Variants in NOX4 observed in about 807,000 individuals in gnomAD.
NOX4 encodes kidney oxidase-1.
NOX4 carries 69 observed loss-of-function variants against 87.6 expected under a neutral mutation model. The observed-to-expected ratio is 0.79, with a 90% CI of 0.65 to 0.96. The LOEUF is 0.96. NOX4 is among the 40% of genes least tolerant of loss of function. The pLI is 0.00. For missense variants in NOX4, 680 were observed against 681.5 expected (o/e 1.00, Z 0.02); for synonymous variants, 275 against 238.2 (o/e 1.15, Z -1.42).
intron 2 of NOX4, among the ~76,000 whole-genome samples, chr11:89,453,211 T>C (rs960327379): frequency 6.6e-6 from 1 of 151,660 alleles, no homozygotes; most frequent in Non-Finnish European, 1.5e-5. Context: ...TCCACTCCCA[T>C]CCCCATGCTC....
chr11:89,377,383 A>T (rs75343671), intron 11 of NOX4, among the ~76,000 whole-genome samples: 1 of 152,148 alleles, frequency 6.6e-6, no homozygotes, highest in East Asian at 1.9e-4. Flanking sequence ...ATACACATTC[A>T]CCTAAGTCTA....
chr11:89,342,824 T>A (rs1485164383), intron 13 of NOX4, among the ~76,000 whole-genome samples: 1 of 152,116 alleles, frequency 6.6e-6, no homozygotes, highest in African/African-American at 2.4e-5. Context: ...TGTGTGTGTG[T>A]GAGACAGAGA....
intron 5 of NOX4, 60 bp from the exon 6 acceptor site, chr11:89,440,775 T>C (rs1944423088): frequency 3.2e-6 from 3 of 948,680 alleles, no homozygotes; most frequent in Non-Finnish European, 4.8e-6. Context: ...TATATAATTC[T>C]ATAAAGAGTA....
At chr11:89,553,711 A>G in the NOX4 span, among the ~76,000 whole-genome samples, 1 of 152,114 alleles carries the variant, frequency 6.6e-6, no homozygotes, top group Non-Finnish European at 1.5e-5. Flanking sequence ...GAAATTTTAT[A>G]TAGCCAAGCA....
the NOX4 span, among the ~76,000 whole-genome samples, chr11:89,535,467 G>A: frequency 6.6e-6 from 1 of 152,130 alleles, no homozygotes; most frequent in East Asian, 1.9e-4. Flanking sequence ...ACACACTAAA[G>A]GAATTTTCTA....
At chr11:89,461,647 A>AAAATAAAT (rs60340385) in intron 2 of NOX4, among the ~76,000 whole-genome samples, 2,393 of 145,678 alleles carry the variant, frequency 0.016, 66 homozygotes, top group African/African-American at 0.057. Context: ...TCCATCTCAA[A>AAAATAAAT]AAATAAATAA....
chr11:89,487,100 A>T (rs1224744108), intron 2 of NOX4, among the ~76,000 whole-genome samples: 1 of 152,206 alleles, frequency 6.6e-6, no homozygotes, highest in African/African-American at 2.4e-5. Context: ...GACATGGACC[A>T]GTGAAGTCGT....
intron 8 of NOX4, among the ~76,000 whole-genome samples, chr11:89,406,196 A>G (rs141156864): frequency 1.8e-4 from 28 of 152,224 alleles, no homozygotes; most frequent in African/African-American, 6.5e-4. Context: ...CTTTTTCTAA[A>G]GAATATTGAA....
rs577892890 is a variant in NOX4 at position 89,367,620 on chromosome 11, A to G, written c.1135+5812T>C. 2.0e-5 allele frequency among the ~76,000 whole-genome samples: 3 copies of G among 152,148 alleles called. No individual in the cohort carries two copies. In the East Asian group the frequency reaches 5.8e-4, roughly 29 times the overall value. ...AGATAAAGTCTTCCATTTGCTTGACACTAAAAAATCTTTAATGTGATGTGT... is the reference window on the plus strand; with the variant it reads ...AGATAAAGTCTTCCATTTGCTTGACGCTAAAAAATCTTTAATGTGATGTGT... On this transcript the variant is annotated intron_variant, in intron 12 of 17. Coordinates refer to ENST00000263317, the MANE Select transcript of NOX4 (RefSeq NM_016931.5).
intron 12 of NOX4, among the ~76,000 whole-genome samples, chr11:89,362,099 C>T (rs1473588238): frequency 6.6e-6 from 1 of 151,984 alleles, no homozygotes; most frequent in Non-Finnish European, 1.5e-5. Context: ...CTTCCTTCCC[C>T]CAAACCCTCT....
At chr11:89,582,714 G>T in the NOX4 span, among the ~76,000 whole-genome samples, 1 of 152,182 alleles carries the variant, frequency 6.6e-6, no homozygotes, top group African/African-American at 2.4e-5. Context: ...GTTTAACGTT[G>T]AAACTCAGGC....
the NOX4 span, among the ~76,000 whole-genome samples, chr11:89,525,775 G>C: frequency 1.3e-5 from 2 of 151,966 alleles, no homozygotes; most frequent in African/African-American, 4.8e-5. Context: ...TGTGCTAGAT[G>C]AGCAATATTT....
At chr11:89,566,725 A>T in the NOX4 span, among the ~76,000 whole-genome samples, 1 of 152,144 alleles carries the variant, frequency 6.6e-6, no homozygotes, top group Admixed American at 6.5e-5. Context: ...TTAAGAGTGG[A>T]AAAAGGGAGC....
the NOX4 span, among the ~76,000 whole-genome samples, chr11:89,576,735 A>C: frequency 1.3e-5 from 2 of 152,304 alleles, no homozygotes; most frequent in East Asian, 3.9e-4. Flanking sequence ...TGTCACATTC[A>C]TATAATCTCA....
the NOX4 span, chr11:89,557,026 T>C: frequency 6.6e-6 from 1 of 152,196 alleles, no homozygotes; most frequent in Non-Finnish European, 1.5e-5. Context: ...AGTTCAAATA[T>C]GGAGTAATGA....
intron 13 of NOX4, among the ~76,000 whole-genome samples, chr11:89,353,982 C>A (rs886261363): frequency 6.6e-6 from 1 of 152,076 alleles, no homozygotes; most frequent in African/African-American, 2.4e-5. Flanking sequence ...AAACAATGCA[C>A]AAGCAGTATA....
the NOX4 span, among the ~76,000 whole-genome samples, chr11:89,573,356 G>A: frequency 6.6e-6 from 1 of 152,096 alleles, no homozygotes; most frequent in Non-Finnish European, 1.5e-5. Context: ...CTAACACAGT[G>A]AAACCCTGTC....
intron 11 of NOX4, among the ~76,000 whole-genome samples, chr11:89,396,805 C>T (rs1941525563): frequency 6.6e-6 from 1 of 152,024 alleles, no homozygotes; most frequent in Non-Finnish European, 1.5e-5. Flanking sequence ...ACAGGAGCAC[C>T]CAGATTCATA....
At position 89,364,136 on chromosome 11, in the gene NOX4, A is replaced by G. The variant is rs532082897; in HGVS notation, c.1136-9093T>C. Among the ~76,000 whole-genome samples the G allele has an allele frequency of 5.3e-5, 8 of 152,128 alleles. No homozygotes were observed. The South Asian group carries it at 1.7e-3, about 32-fold the overall frequency. On this transcript the variant is annotated intron_variant, in intron 12 of 17. Transcript: ENST00000263317. ...GTGGTATACACCTGTAGTCCTCACT[A>G]CTTGGGAAGCTGAGACAAGAGGATT...
Sources: allele counts gnomAD v4.1 joint callset (sites outside exome capture counted in the v4.1 genomes callset), GRCh38; gene constraint gnomAD v4.1.1; transcripts MANE v1.5; gene names NCBI Gene and HGNC (gene_info 2026-07-23, HGNC 2026-07-21).